EPHA5: variants seen among roughly 807,000 people sequenced by gnomAD.
The protein encoded by EPHA5 is EPH receptor A5.
A neutral mutation model predicts 105.0 loss-of-function variants in EPHA5; 60 were observed. The observed-to-expected ratio is 0.57, with a 90% CI of 0.46 to 0.71. The LOEUF is 0.71. Among genes scored for constraint, EPHA5 ranks in the 30% least tolerant of loss-of-function variants. The pLI, the probability that EPHA5 is intolerant of heterozygous loss-of-function variation, is 0.00. For missense variants in EPHA5, 1,218 were observed against 1,274.7 expected (o/e 0.96, Z 0.68); for synonymous variants, 513 against 449.1 (o/e 1.14, Z -1.80).
chr4:65,530,436 G>A (rs373115156), intron 3 of EPHA5, among the ~76,000 whole-genome samples: 13 of 151,074 alleles, frequency 8.6e-5, no homozygotes, highest in Admixed American at 3.3e-4. Flanking sequence ...GTGTGTGTGC[G>A]TGTTTATGAT....
At chr4:65,436,815 C>T (rs1725522505) in intron 5 of EPHA5, among the ~76,000 whole-genome samples, 1 of 152,034 alleles carries the variant, frequency 6.6e-6, no homozygotes, top group South Asian at 2.1e-4. Context: ...AGTTTAATGA[C>T]TCTCTGATCA....
intron 5 of EPHA5, among the ~76,000 whole-genome samples, chr4:65,423,559 A>G (rs1724135443): frequency 2.6e-5 from 4 of 151,906 alleles, no homozygotes; most frequent in Admixed American, 2.6e-4. Flanking sequence ...ACCTTGGTTT[A>G]TAGTCGAATA....
intron 16 of EPHA5, among the ~76,000 whole-genome samples, chr4:65,324,706 T>C (rs1385992384): frequency 1.3e-5 from 2 of 150,390 alleles, no homozygotes; most frequent in Non-Finnish European, 3.0e-5. Flanking sequence ...CTTTAGGAGA[T>C]AATCACCACT....
chr4:65,365,784 G>C, intron 10 of EPHA5, 148 bp downstream of exon 10: 1 of 684,886 alleles, frequency 1.5e-6, no homozygotes, highest in Non-Finnish European at 2.2e-6. Flanking sequence ...ACTGAAGGTT[G>C]TATTAAAATG....
chr4:65,334,842 C>A (rs1032786374), intron 15 of EPHA5, among the ~76,000 whole-genome samples: 4 of 151,478 alleles, frequency 2.6e-5, no homozygotes, highest in Non-Finnish European at 5.9e-5. Context: ...CCATTTGTGA[C>A]AATGTAATAT....
At chr4:65,365,294 T>A in intron 10 of EPHA5, 92 bp from the exon 11 acceptor site, 1 of 1,050,908 alleles carries the variant, frequency 9.5e-7, no homozygotes, top group Non-Finnish European at 1.4e-6. Context: ...AAGGCTTAGA[T>A]GAAAAAACAA....
At position 65,571,423 on chromosome 4, in the gene EPHA5, A is replaced by G. The variant is rs146466240; in HGVS notation, c.910+30218T>C. 8.6e-3 allele frequency among the ~76,000 whole-genome samples: 1,307 copies of G among 152,130 alleles called. 18 individuals are homozygous for G. Among genetic ancestry groups the G allele is most frequent in the Non-Finnish European group, 0.012 (784 of 67,918 alleles). ...GTACCACAAAATTTAAAAAAGTACT[A>G]TACTAGTATTGCTTTTAAAATCAAC... is the stretch of plus-strand genomic sequence containing the variant. On this transcript the variant is annotated intron_variant, in intron 3 of 16. Transcript: ENST00000613740.
intron 5 of EPHA5, among the ~76,000 whole-genome samples, chr4:65,443,079 C>T (rs1726172571): frequency 1.3e-5 from 2 of 152,112 alleles, no homozygotes; most frequent in South Asian, 2.1e-4. Context: ...ACCTTGGAGA[C>T]TTGCCTTTTA....
intron 2 of EPHA5, among the ~76,000 whole-genome samples, chr4:65,624,423 C>T (rs1262970178): frequency 6.6e-6 from 1 of 152,174 alleles, no homozygotes; most frequent in African/African-American, 2.4e-5. Flanking sequence ...GGATGTGCGA[C>T]ATGCTGCCTA....
chr4:65,663,322 G>A (rs1015349825), intron 1 of EPHA5, among the ~76,000 whole-genome samples: 2 of 152,042 alleles, frequency 1.3e-5, no homozygotes, highest in South Asian at 4.1e-4. Context: ...ACATTAAAAT[G>A]ACAATAAATG....
intron 13 of EPHA5, among the ~76,000 whole-genome samples, chr4:65,348,988 G>C (rs1722563199): frequency 6.6e-6 from 1 of 150,408 alleles, no homozygotes; most frequent in Admixed American, 6.7e-5. Context: ...GCTAATTTTT[G>C]TATTTTTAGT....
intron 14 of EPHA5, among the ~76,000 whole-genome samples, chr4:65,338,818 C>T (rs909282560): frequency 3.3e-5 from 5 of 152,118 alleles, no homozygotes; most frequent in African/African-American, 9.6e-5. Context: ...AGCATTACTA[C>T]TCTGGTAGGT....
In EPHA5 at chr4:65,420,553, A is replaced by C. The variant is rs374481112; in HGVS notation, c.1415T>G (p.Val472Gly). The change falls in exon 6 of 17, where the codon GTC becomes GGC. Residue 472 changes from valine (V) to glycine (G), a missense_variant. Transcript: ENST00000613740. ...AATTTTCCCTTTTTTCACATTGGTG[A>C]CTGGAGATGGAGCTGCAAAATAGTT... ...VTTNQAAPSP[V>G]TNVKKGKIAK... The C allele has an allele frequency of 1.2e-6, 2 of 1,612,730 alleles. No homozygotes were observed. The highest frequency in any genetic ancestry group is 1.7e-6 in the Non-Finnish European group (2 of 1,179,416).
intron 1 of EPHA5, among the ~76,000 whole-genome samples, chr4:65,644,818 A>G (rs187811955): frequency 2.2e-4 from 34 of 152,062 alleles, no homozygotes; most frequent in African/African-American, 7.9e-4. Context: ...ATAACTTAAA[A>G]TCTGTAGAAA....
intron 7 of EPHA5, among the ~76,000 whole-genome samples, chr4:65,408,687 A>T (rs955827182): frequency 6.6e-6 from 1 of 152,018 alleles, no homozygotes; most frequent in Admixed American, 6.6e-5. Flanking sequence ...AAGTCAGGAA[A>T]CAACAGGTGC....
At chr4:65,647,285 T>C (rs1218059482) in intron 1 of EPHA5, among the ~76,000 whole-genome samples, 42 of 137,536 alleles carry the variant, frequency 3.1e-4, no homozygotes, top group Non-Finnish European at 7.5e-5. Context: ...GCTGAGATTG[T>C]GCCACTGCAC....
At chr4:65,616,147 C>T (rs1219176496) in intron 2 of EPHA5, among the ~76,000 whole-genome samples, 1 of 151,898 alleles carries the variant, frequency 6.6e-6, no homozygotes, top group African/African-American at 2.4e-5. Context: ...ACTGATGAAT[C>T]TCCAGGGAAT....
At chr4:65,669,457 A>G in intron 1 of EPHA5, 105 bp downstream of exon 1, 1 of 1,255,698 alleles carries the variant, frequency 8.0e-7, no homozygotes. Flanking sequence ...TGAGACTGCG[A>G]TTTAGTCTGC....
intron 3 of EPHA5, among the ~76,000 whole-genome samples, chr4:65,529,526 A>C (rs548959143): frequency 1.3e-5 from 2 of 152,258 alleles, no homozygotes; most frequent in South Asian, 4.1e-4. Context: ...ACAACAAAAA[A>C]AGAAAGACCA....
Sources: gnomAD v4.1 joint callset for allele counts (sites outside exome capture counted in the v4.1 genomes callset) on GRCh38, gnomAD v4.1.1 for gene constraint, MANE v1.5 for transcripts, NCBI Gene and HGNC (gene_info 2026-07-23, HGNC 2026-07-21) for gene names.